The following PKD1L1 variants were observed in gnomAD, a reference collection of about 807,000 sequenced individuals.
The protein encoded by PKD1L1 is polycystin 1 like 1, transient receptor potential channel interacting.
A neutral mutation model predicts 323.4 loss-of-function variants in PKD1L1; 236 were observed. The observed-to-expected ratio is 0.73, with a 90% CI of 0.66 to 0.81. The LOEUF (loss-of-function observed/expected upper bound fraction) is 0.81. PKD1L1 is among the 40% of genes least tolerant of loss of function. The pLI is 0.00. For missense variants in PKD1L1, 3,320 were observed against 3,508.0 expected (o/e 0.95, Z 1.35); for synonymous variants, 1,344 against 1,335.0 (o/e 1.01, Z -0.15).
intron 36 of PKD1L1, among the ~76,000 whole-genome samples, chr7:47,838,052 G>A (rs185081571): frequency 5.9e-4 from 90 of 152,290 alleles, no homozygotes; most frequent in Admixed American, 9.8e-4. Flanking sequence ...TATGTCTCCC[G>A]TTGTTAACTA....
chr7:47,778,645 G>A (rs1786622837), intron 56 of PKD1L1, among the ~76,000 whole-genome samples: 1 of 150,062 alleles, frequency 6.7e-6, no homozygotes, highest in Admixed American at 6.7e-5. Flanking sequence ...TAGAGATAAG[G>A]GCAATTGAAA....
chr7:47,942,498 T>A (rs1457831083), intron 2 of PKD1L1, among the ~76,000 whole-genome samples: 1 of 152,016 alleles, frequency 6.6e-6, no homozygotes, highest in African/African-American at 2.4e-5. Context: ...AAAATTTTTT[T>A]AAATTTAATT....
chr7:47,858,843 C>A lies in PKD1L1; in HGVS notation c.4192G>T (p.Ala1398Ser), dbSNP rs1411860747. ...GAGAACTGGCCTTGAGCAAGGAGTG[C>A]CCGGGTGTACTTGAGGATGAGAACC... The part of the protein sequence containing the change: ...SAVLILKYTR[A>S]LLAQGQFSGP... The change falls in exon 27 of 57, where the codon GCA becomes TCA. Residue 1398 changes from alanine (A) to serine (S), a missense_variant. Transcript: ENST00000289672. 1 of 1,613,906 alleles carries A rather than the reference C, an allele frequency of 6.2e-7. No individual in the cohort carries two copies. The highest frequency in any genetic ancestry group is 1.3e-5 in the African/African-American group (1 of 74,908).
chr7:47,837,228 G>T, intron 36 of PKD1L1, 134 bp from the exon 37 acceptor site: 1 of 995,918 alleles, frequency 1.0e-6, no homozygotes, highest in East Asian at 2.6e-5. Context: ...GCTTAGCTGT[G>T]TACCAGGTGG....
intron 55 of PKD1L1, among the ~76,000 whole-genome samples, chr7:47,794,016 A>C (rs1787015194): frequency 6.6e-6 from 1 of 152,222 alleles, no homozygotes; most frequent in Non-Finnish European, 1.5e-5. Context: ...TCTAAGCAGC[A>C]AAGCATTCAA....
At chr7:47,832,970 T>G in intron 41 of PKD1L1, 120 bp downstream of exon 41, 10 of 1,322,500 alleles carry the variant, frequency 7.6e-6, no homozygotes, top group South Asian at 1.6e-5. Flanking sequence ...GGTTTTTAGA[T>G]GAGACTAGAG....
chr7:47,960,398 T>TA, the PKD1L1 span, among the ~76,000 whole-genome samples: 832 of 107,516 alleles, frequency 7.7e-3, 48 homozygotes, highest in African/African-American at 0.016. Context: ...AAAAAAACTG[T>TA]AAAAAAGAAA....
intron 56 of PKD1L1, among the ~76,000 whole-genome samples, chr7:47,787,688 C>A (rs1305038196): frequency 6.6e-6 from 1 of 152,122 alleles, no homozygotes; most frequent in Non-Finnish European, 1.5e-5. Flanking sequence ...AGCCATACGC[C>A]TTTAAAATGC....
intron 52 of PKD1L1, among the ~76,000 whole-genome samples, chr7:47,804,000 T>TGG (rs1489388908): frequency 2.0e-5 from 3 of 152,302 alleles, no homozygotes; most frequent in African/African-American, 7.2e-5. Flanking sequence ...CAGGGGCTTA[T>TGG]GGGGAAAGTA....
Position 47,855,021 on chromosome 7 carries a change from T to C in PKD1L1, c.4720A>G (p.Thr1574Ala), listed in dbSNP as rs1785866568. 1.9e-6 allele frequency: 3 copies of C among 1,612,864 alleles called. No homozygotes were observed. Among genetic ancestry groups the C allele is most frequent in the Non-Finnish European group, 2.5e-6 (3 of 1,179,752 alleles). The change falls in exon 30 of 57, where the codon ACG becomes GCG. Residue 1574 changes from threonine to alanine, a missense_variant. Physicochemically the swap from Thr to Ala is moderately conservative, Grantham distance 58 (BLOSUM62 0). Coordinates refer to ENST00000289672, the MANE Select transcript of PKD1L1 (RefSeq NM_138295.5). ...EDGLDNRRNK[T>A]TFVLLRDKVN... The stretch of plus-strand genomic sequence containing the variant: ...TTATCCCGAAGTAATACAAATGTCG[T>C]TTTATTTCTCCTATTATCCTGTCAT...
chr7:47,784,356 T>A (rs1786760984), intron 56 of PKD1L1, among the ~76,000 whole-genome samples: 1 of 152,188 alleles, frequency 6.6e-6, no homozygotes, highest in South Asian at 2.1e-4. Context: ...ATGGGAAAAA[T>A]TCCAAGACAT....
intron 37 of PKD1L1, among the ~76,000 whole-genome samples, chr7:47,835,554 C>G (rs1283569839): frequency 4.6e-5 from 7 of 152,060 alleles, no homozygotes; most frequent in Non-Finnish European, 4.4e-5. Context: ...GCATGCACCA[C>G]CACGCCCAGC....
rs17545564 is a variant in PKD1L1 at position 47,815,358 on chromosome 7, C to T, written c.7065G>A (p.Pro2355=). ...LLDGLYPGGT[P]SARVPGAQPG... ...CCTGAGCCCCCGGCACACGGGCTGA[C>T]GGGGTGCCTCCCGGGTACAGGCCAT... Residue 2355 remains proline, a synonymous_variant, in exon 47 of 57, where the codon CCG becomes CCA. Transcript: ENST00000289672. 0.16 allele frequency: 254,943 copies of T among 1,613,888 alleles called. 21,713 individuals are homozygous for T. The highest frequency in any genetic ancestry group is 0.22 in the Admixed American group (13,006 of 60,008).
intron 21 of PKD1L1, among the ~76,000 whole-genome samples, chr7:47,880,448 A>G (rs987593978): frequency 7.3e-5 from 11 of 149,698 alleles, no homozygotes; most frequent in African/African-American, 2.7e-4. Context: ...TGCCCGGCAA[A>G]TTTTTTGTAT....
rs202060442 is a variant in PKD1L1, at chr7:47,815,350, C to G, written c.7073G>C (p.Arg2358Pro). Residue 2358 changes from arginine (R) to proline (P), a missense_variant, in exon 47 of 57, where the codon CGT becomes CCT. Coordinates refer to ENST00000289672, the MANE Select transcript of PKD1L1 (RefSeq NM_138295.5). The part of the protein sequence containing the change: ...GLYPGGTPSA[R>P]VPGAQPGALG... ...AAAGCTCACCTGAGCCCCCGGCACA[C>G]GGGCTGACGGGGTGCCTCCCGGGTA... The G allele has an allele frequency of 4.3e-6, 7 of 1,613,896 alleles. No individual in the cohort carries two copies. Among genetic ancestry groups the G allele is most frequent in the Non-Finnish European group, 5.9e-6 (7 of 1,179,988 alleles).
intron 56 of PKD1L1, among the ~76,000 whole-genome samples, chr7:47,790,459 T>G (rs1012643025): frequency 6.6e-6 from 1 of 151,678 alleles, no homozygotes; most frequent in African/African-American, 2.4e-5. Flanking sequence ...GCCTCCCGAG[T>G]AGCTGGGACT....
rs1468569947 is a variant in PKD1L1 at position 47,905,302 on chromosome 7, T to G, written c.1546A>C (p.Thr516Pro). 1.1e-5 allele frequency: 17 copies of G among 1,613,952 alleles called. No individual in the cohort carries two copies. The highest frequency in any genetic ancestry group is 1.4e-5 in the Non-Finnish European group (17 of 1,180,004). ...MQSVSVYTNG[T>P]VFATDTDITF... Reference sequence around the variant, plus strand: ...ATGTCTGTGTCTGTGGCAAACACAGTTCCATTTGTGTAGACAGAGACGGCT... The same window carrying G: ...ATGTCTGTGTCTGTGGCAAACACAGGTCCATTTGTGTAGACAGAGACGGCT... The change falls in exon 11 of 57, where the codon ACT (threonine) becomes CCT (proline). Residue 516 changes from threonine (T) to proline (P), a missense_variant. By Grantham distance (38) the Thr-to-Pro change is conservative (BLOSUM62 -1). Transcript: ENST00000289672.
chr7:47,932,149 C>T, intron 4 of PKD1L1, 93 bp from the exon 5 acceptor site: 1 of 1,497,976 alleles, frequency 6.7e-7, no homozygotes, highest in African/African-American at 1.4e-5. Context: ...TGCCCTTCAC[C>T]AGGCTTTGCT....
At chr7:47,880,634 T>A (rs1786532073) in intron 21 of PKD1L1, 94 bp downstream of exon 21, 1 of 945,884 alleles carries the variant, frequency 1.1e-6, no homozygotes, top group Admixed American at 2.2e-5. Context: ...TACGCTGATG[T>A]AGACCTGCAC....
Sources: gnomAD v4.1 joint callset for allele counts (sites outside exome capture counted in the v4.1 genomes callset) on GRCh38, gnomAD v4.1.1 for gene constraint, MANE v1.5 for transcripts, NCBI Gene and HGNC (gene_info 2026-07-23, HGNC 2026-07-21) for gene names.